FAM13A: variants seen among roughly 807,000 people sequenced by gnomAD.
FAM13A encodes the protein protein FAM13A.
In FAM13A, 76 loss-of-function variants were observed where a neutral mutation model predicts 129.6. The observed-to-expected ratio is 0.59, with a 90% CI of 0.49 to 0.71. FAM13A has a LOEUF of 0.71. FAM13A is among the 30% of genes least tolerant of loss of function. The probability of loss-of-function intolerance (pLI) is 0.00; values close to 1 mark genes in which losing one functional copy is unlikely to be tolerated. For missense variants in FAM13A, 1,108 were observed against 1,249.3 expected (o/e 0.89, Z 1.70); for synonymous variants, 443 against 449.9 (o/e 0.98, Z 0.20).
intron 7 of FAM13A, among the ~76,000 whole-genome samples, chr4:88,833,704 G>A (rs1308084990): frequency 6.6e-6 from 1 of 151,980 alleles, no homozygotes; most frequent in Non-Finnish European, 1.5e-5. Flanking sequence ...TGGTCAACAT[G>A]GTGAAACCCC....
chr4:88,749,413 G>A (rs1021684284), intron 16 of FAM13A, among the ~76,000 whole-genome samples: 2 of 151,852 alleles, frequency 1.3e-5, no homozygotes, highest in Admixed American at 1.3e-4. Flanking sequence ...TTGTGGTACA[G>A]AGCTGACAGC....
At chr4:89,040,009 GA>G (rs1560917273) in intron 1 of FAM13A, among the ~76,000 whole-genome samples, 1 of 151,404 alleles carries the variant, frequency 6.6e-6, no homozygotes, top group African/African-American at 2.4e-5. Context: ...GGACAACTGG[GA>G]AAATGTGAAA....
intron 19 of FAM13A, among the ~76,000 whole-genome samples, chr4:88,741,418 T>A (rs890459207): frequency 2.6e-5 from 4 of 152,180 alleles, no homozygotes; most frequent in African/African-American, 9.6e-5. Context: ...TCCACTTACA[T>A]AAAGGTCAAA....
At chr4:88,737,804 G>A (rs531303218) in intron 20 of FAM13A, among the ~76,000 whole-genome samples, 97 of 152,228 alleles carry the variant, frequency 6.4e-4, no homozygotes, top group Non-Finnish European at 1.1e-3. Flanking sequence ...GAGTATATCC[G>A]GCAGACACGC....
Position 88,758,874 on chromosome 4 carries a change from G to C in FAM13A, c.1606C>G (p.Pro536Ala). 3 of 1,613,960 alleles carry C rather than the reference G, an allele frequency of 1.9e-6. No individual in the cohort carries two copies. The highest frequency in any genetic ancestry group is 2.5e-6 in the Non-Finnish European group (3 of 1,179,900). ...ESPTMKIQEH[P>A]SLSDTKQQRN... ...TGCTGTTTGGTGTCAGATAGGCTGG[G>C]ATGCTCCTGGATCTTCATTGTGGGG... Residue 536 changes from proline (P) to alanine (A), a missense_variant, in exon 14 of 24, where the codon CCC (proline) becomes GCC (alanine). Pro to Ala is a conservative substitution (Grantham distance 27). This residue lies in a region of FAM13A where 529 missense variants were observed against 621.2 expected (regional missense o/e 0.85). Transcript: ENST00000264344.
rs112880710 is a variant in FAM13A, at chr4:88,998,114, T to C, written c.428-6964A>G. Among the ~76,000 whole-genome samples the C allele has an allele frequency of 6.1e-3, 923 of 152,240 alleles. 15 individuals carry two copies. Among genetic ancestry groups the C allele is most frequent in the African/African-American group, 0.021 (852 of 41,522 alleles). ...CCCCCTAGAACACCCAGAACAGTCA[T>C]ACAGGAGCCTAGACTGTCACCTTGA... On this transcript the variant is annotated intron_variant, in intron 3 of 23. Coordinates refer to ENST00000264344, the MANE Select transcript of FAM13A (RefSeq NM_014883.4).
At chr4:88,754,164 C>G (rs1290547843) in intron 14 of FAM13A, among the ~76,000 whole-genome samples, 1 of 152,156 alleles carries the variant, frequency 6.6e-6, no homozygotes, top group Admixed American at 6.5e-5. Flanking sequence ...GAACTCTGGA[C>G]ATAAGTATGA....
chr4:89,017,464 T>G (rs534720910), intron 3 of FAM13A, among the ~76,000 whole-genome samples: 32 of 152,200 alleles, frequency 2.1e-4, no homozygotes, highest in Middle Eastern at 3.4e-3. Flanking sequence ...ACAAAATAAT[T>G]CTATAAATAG....
intron 2 of FAM13A, among the ~76,000 whole-genome samples, chr4:89,021,267 C>T (rs1767216747): frequency 6.6e-6 from 1 of 152,190 alleles, no homozygotes; most frequent in Non-Finnish European, 1.5e-5. Context: ...GTAAACTTAA[C>T]CTTTGGCTAA....
At chr4:88,876,035 G>A (rs1024115615) in intron 6 of FAM13A, among the ~76,000 whole-genome samples, 5 of 152,110 alleles carry the variant, frequency 3.3e-5, no homozygotes, top group South Asian at 2.1e-4. Flanking sequence ...GCAAACTATC[G>A]CAAGGACAGA....
intron 3 of FAM13A, among the ~76,000 whole-genome samples, chr4:89,015,817 T>C (rs942928692): frequency 6.6e-6 from 1 of 152,164 alleles, no homozygotes; most frequent in Non-Finnish European, 1.5e-5. Flanking sequence ...CATATACATA[T>C]ATACGTGTAT....
chr4:89,015,902 A>C (rs896490835), intron 3 of FAM13A, among the ~76,000 whole-genome samples: 1 of 152,168 alleles, frequency 6.6e-6, no homozygotes, highest in African/African-American at 2.4e-5. Context: ...TTAGATACAC[A>C]TATACATATA....
chr4:88,838,181 C>T (rs1735153180), intron 7 of FAM13A, among the ~76,000 whole-genome samples: 1 of 70,918 alleles, frequency 1.4e-5, no homozygotes, highest in Admixed American at 1.3e-4. Context: ...AAGGGAGGTC[C>T]TGAAACCTAC....
intron 7 of FAM13A, among the ~76,000 whole-genome samples, chr4:88,827,129 C>G (rs1733140335): frequency 6.6e-6 from 1 of 152,132 alleles, no homozygotes; most frequent in African/African-American, 2.4e-5. Context: ...GTCTTTTGAC[C>G]ACTAAATCCA....
intron 5 of FAM13A, among the ~76,000 whole-genome samples, chr4:88,914,412 G>A (rs372604421): frequency 6.6e-6 from 1 of 152,208 alleles, no homozygotes; most frequent in East Asian, 1.9e-4. Flanking sequence ...TAATCTCATA[G>A]CATTTCCCCT....
chr4:89,027,064 G>A (rs1426276505), intron 2 of FAM13A, among the ~76,000 whole-genome samples: 1 of 152,154 alleles, frequency 6.6e-6, no homozygotes, highest in Non-Finnish European at 1.5e-5. Flanking sequence ...ACCGGCAGGG[G>A]ATATGTTCCA....
chr4:88,841,936 C>T (rs61665313), intron 7 of FAM13A, among the ~76,000 whole-genome samples: 10,663 of 152,160 alleles, frequency 0.07, 530 homozygotes, highest in African/African-American at 0.14. Context: ...TATGCCCGTA[C>T]GAAGGCTTCT....
chr4:88,833,084 A>G (rs1175891076), intron 7 of FAM13A, among the ~76,000 whole-genome samples: 2 of 152,220 alleles, frequency 1.3e-5, no homozygotes, highest in Non-Finnish European at 1.5e-5. Flanking sequence ...TTTTAGGCAC[A>G]TGGATGGAGC....
chr4:88,790,418 C>G (rs545531455), intron 9 of FAM13A, among the ~76,000 whole-genome samples, 168 bp downstream of exon 9: 1 of 152,028 alleles, frequency 6.6e-6, no homozygotes, highest in Admixed American at 6.6e-5. Context: ...AATAAGAATA[C>G]CTATGTAGTC....
Sources: gnomAD v4.1 joint callset for allele counts (sites outside exome capture counted in the v4.1 genomes callset) on GRCh38, gnomAD v4.1.1 for gene constraint, gnomAD v4.1.1 regional missense constraint, MANE v1.5 for transcripts, NCBI Gene and HGNC (gene_info 2026-07-23, HGNC 2026-07-21) for gene names.